Variants in KAZN observed in about 807,000 individuals in gnomAD.
KAZN encodes the protein kazrin, periplakin interacting protein.
Under a neutral mutation model 87.4 loss-of-function variants are expected in KAZN, and 40 were observed. The observed-to-expected ratio is 0.46, with a 90% CI of 0.36 to 0.60. KAZN has a LOEUF of 0.60. KAZN is among the 20% of genes least tolerant of loss of function. The pLI, the probability that KAZN is intolerant of heterozygous loss-of-function variation, is 0.00. For synonymous variants in KAZN, 466 were observed against 458.3 expected, an observed-to-expected ratio of 1.02 and a Z score of -0.22; for missense variants, 898 against 1,073.9, an observed-to-expected ratio of 0.84 and a Z score of 2.29.
intron 1 of KAZN, among the ~76,000 whole-genome samples, chr1:14,691,035 G>T (rs1404469174): frequency 2.0e-5 from 3 of 152,184 alleles, no homozygotes; most frequent in Non-Finnish European, 2.9e-5. Context: ...TAATTATGTG[G>T]CAATTAAAGG....
rs187010924 is a variant in KAZN, at chr1:14,058,493, G to A, written c.92-121942G>A. Among the ~76,000 whole-genome samples, 4 of 152,280 alleles carry A rather than the reference G, an allele frequency of 2.6e-5. No individual in the cohort carries two copies. In the East Asian group the frequency reaches 5.8e-4, roughly 22 times the overall value. ...GATTAATATCTCCACATGACACCAA[G>A]TCACATAACAAATCTTTAGTAAGTG... On this transcript the variant is annotated intron_variant, in intron 1 of 16. Coordinates refer to the KAZN transcript ENST00000636203.
chr1:14,853,442 T>TA (rs1158066696), intron 1 of KAZN, among the ~76,000 whole-genome samples: 2 of 152,082 alleles, frequency 1.3e-5, no homozygotes, highest in Non-Finnish European at 2.9e-5. Flanking sequence ...CTGCATGAGA[T>TA]AGGAATGATC....
chr1:14,422,861 GAAT>G (rs1163645155), intron 2 of KAZN, among the ~76,000 whole-genome samples: 1 of 152,172 alleles, frequency 6.6e-6, no homozygotes, highest in Non-Finnish European at 1.5e-5. Context: ...TCTAGTAGAA[GAAT>G]AATTTCCCTA....
intron 1 of KAZN, among the ~76,000 whole-genome samples, chr1:14,703,206 G>C (rs928660281): frequency 6.6e-6 from 1 of 152,200 alleles, no homozygotes; most frequent in South Asian, 2.1e-4. Context: ...TCAAGAGTAG[G>C]TTGACCAGGC....
intron 1 of KAZN, among the ~76,000 whole-genome samples, chr1:13,914,914 T>C (rs1275479910): frequency 6.6e-6 from 1 of 152,184 alleles, no homozygotes; most frequent in African/African-American, 2.4e-5. Flanking sequence ...CAGATGAGAA[T>C]ACATCCCAGC....
intron 2 of KAZN, among the ~76,000 whole-genome samples, chr1:14,405,867 G>T (rs7513739): frequency 0.25 from 37,161 of 147,416 alleles, 5,644 homozygotes; most frequent in Admixed American, 0.35. Flanking sequence ...TTTGGGGGAG[G>T]ATCAACCTTT....
chr1:14,410,005 T>C (rs777513853), intron 2 of KAZN, among the ~76,000 whole-genome samples: 4 of 152,144 alleles, frequency 2.6e-5, no homozygotes, highest in African/African-American at 7.2e-5. Context: ...AGCTGGAAGA[T>C]AGATATGAGG....
intron 1 of KAZN, among the ~76,000 whole-genome samples, chr1:14,002,900 G>A (rs568811945): frequency 1.2e-4 from 18 of 152,230 alleles, no homozygotes; most frequent in South Asian, 4.1e-4. Flanking sequence ...AAAGACACAC[G>A]CACACGTATG....
chr1:14,791,346 C>A (rs1645668581), intron 1 of KAZN, among the ~76,000 whole-genome samples: 1 of 152,230 alleles, frequency 6.6e-6, no homozygotes, highest in Non-Finnish European at 1.5e-5. Context: ...AGAAACCTCT[C>A]CACTTGCCCC....
At chr1:14,999,170 A>C (rs1668202187) in intron 2 of KAZN, among the ~76,000 whole-genome samples, 1 of 152,218 alleles carries the variant, frequency 6.6e-6, no homozygotes, top group Non-Finnish European at 1.5e-5. Context: ...TGGGTGACAG[A>C]TGGAGACCTT....
intron 1 of KAZN, among the ~76,000 whole-genome samples, chr1:14,056,861 A>G (rs1316710772): frequency 2.0e-5 from 3 of 152,100 alleles, no homozygotes; most frequent in Non-Finnish European, 4.4e-5. Context: ...GACAACAAAC[A>G]AACAGAAAAC....
intron 2 of KAZN, among the ~76,000 whole-genome samples, chr1:14,503,297 CA>C (rs35045692): frequency 0.73 from 109,987 of 150,712 alleles, 40,742 homozygotes; most frequent in South Asian, 0.78. Context: ...TCCTGGCTAA[CA>C]ACGGTGAAAC....
intron 2 of KAZN, among the ~76,000 whole-genome samples, chr1:14,570,930 C>T (rs1294901547): frequency 6.6e-6 from 1 of 152,150 alleles, no homozygotes; most frequent in Non-Finnish European, 1.5e-5. Context: ...TTACTCCTGA[C>T]CTCTGAATCC....
intron 1 of KAZN, among the ~76,000 whole-genome samples, chr1:14,839,297 C>G (rs1436039402): frequency 6.6e-6 from 1 of 152,162 alleles, no homozygotes; most frequent in Non-Finnish European, 1.5e-5. Flanking sequence ...ACAAGTCCCC[C>G]TACCTTCCCT....
chr1:15,049,101 C>CG (rs5772614), intron 4 of KAZN, among the ~76,000 whole-genome samples: 53,105 of 152,076 alleles, frequency 0.35, 11,410 homozygotes, highest in East Asian at 0.74. Flanking sequence ...ACGGCTTTGC[C>CG]GGGAGGCTTT....
At chr1:15,110,044 T>C (rs1348147968) in intron 13 of KAZN, among the ~76,000 whole-genome samples, 3 of 8,222 alleles carry the variant, frequency 3.6e-4, no homozygotes, top group African/African-American at 3.3e-3. Flanking sequence ...TATGTGTGTA[T>C]ATATATATGT....
At chr1:14,101,544 T>C (rs75597845) in intron 1 of KAZN, among the ~76,000 whole-genome samples, 4,754 of 152,262 alleles carry the variant, frequency 0.031, 243 homozygotes, top group African/African-American at 0.11. Flanking sequence ...CTGGAGAGGA[T>C]GTGAATAGTG....
intron 1 of KAZN, among the ~76,000 whole-genome samples, chr1:14,088,557 G>A (rs140379684): frequency 4.6e-5 from 7 of 151,948 alleles, no homozygotes; most frequent in East Asian, 1.9e-4. Context: ...TCCAGAATAC[G>A]ATCTATTTTG....
At chr1:15,042,268 G>A (rs1367815937) in intron 3 of KAZN, among the ~76,000 whole-genome samples, 1 of 152,144 alleles carries the variant, frequency 6.6e-6, no homozygotes, top group Non-Finnish European at 1.5e-5. Flanking sequence ...TTACCCCAGT[G>A]GTCAGTTTCT....
Sources: allele counts gnomAD v4.1 joint callset (sites outside exome capture counted in the v4.1 genomes callset), GRCh38; gene constraint gnomAD v4.1.1; transcripts MANE v1.5; gene names NCBI Gene and HGNC (gene_info 2026-07-23, HGNC 2026-07-21).